Variants in DMD observed in about 807,000 individuals in gnomAD.
DMD encodes the protein mutant dystrophin.
A neutral mutation model predicts 330.1 loss-of-function variants in DMD; 63 were observed. That is an observed-to-expected ratio of 0.19 (90% confidence interval 0.16 to 0.24). The LOEUF (loss-of-function observed/expected upper bound fraction) is 0.24. Ranked by LOEUF, DMD falls within the 10% of genes least tolerant of loss-of-function variation. DMD has a pLI of 1.00. For missense variants in DMD, 3,344 were observed against 2,684.1 expected, an observed-to-expected ratio of 1.25 and a Z score of -5.43; for synonymous variants, 1,223 against 959.8, an observed-to-expected ratio of 1.27 and a Z score of -5.07.
At chrX:32,045,918 G>A (rs2096061391) in intron 44 of DMD, among the ~76,000 whole-genome samples, 1 of 112,279 alleles carries the variant, frequency 8.9e-6, no homozygotes, top group Non-Finnish European at 1.9e-5. Flanking sequence ...TGATCATGTG[G>A]ATAAATTGAC....
chrX:33,167,861 T>C (rs1321628744), intron 1 of DMD, among the ~76,000 whole-genome samples: 1 of 111,263 alleles, frequency 9.0e-6, no homozygotes, highest in Non-Finnish European at 1.9e-5. Flanking sequence ...TGTCTTAAAT[T>C]CCTTTTGTGT....
At position 31,478,231 on chromosome X, in the gene DMD, C is replaced by T; in HGVS notation, c.8812G>A (p.Glu2938Lys). Residue 2938 changes from glutamate (E) to lysine (K), a missense_variant, in exon 59 of 79, where the codon GAA becomes AAA. By Grantham distance (56) the Glu-to-Lys change is moderately conservative (BLOSUM62 1). Transcript: ENST00000357033. ...AGCTCATCCGTGGCCTCTTGAAGTTCCCGGAGTCTTTCAAGGGTCTCATCT... is the reference window on the plus strand; with the variant it reads ...AGCTCATCCGTGGCCTCTTGAAGTTTCCGGAGTCTTTCAAGGGTCTCATCT... Reference protein sequence around the residue: ...KIDETLERLRELQEATDELDL... With the variant: ...KIDETLERLRKLQEATDELDL... 8.3e-7 allele frequency: 1 copy of T among 1,211,147 alleles called. No individual in the cohort carries two copies.
intron 64 of DMD, among the ~76,000 whole-genome samples, chrX:31,214,391 G>T (rs2045105840): frequency 8.9e-6 from 1 of 112,214 alleles, no homozygotes; most frequent in Non-Finnish European, 1.9e-5. Flanking sequence ...CAATGGAATG[G>T]ATTACTCCTT....
Position 32,346,033 on chromosome X carries a change from G to A in DMD, c.5496C>T (p.Asp1832=). The A allele has an allele frequency of 8.3e-7, 1 of 1,208,877 alleles. No homozygotes were observed. Among genetic ancestry groups the A allele is most frequent in the Non-Finnish European group, 1.1e-6 (1 of 893,765 alleles). The part of the protein sequence containing the change: ...GTVKELLQRG[D]NLQQRITDER... The stretch of plus-strand genomic sequence containing the variant: ...CATCTGTGATTCTTTGTTGTAAGTT[G>A]TCTCCTCTTTGCAACAATTCTTTTA... The change falls in exon 39 of 79, where the codon GAC becomes GAT. Residue 1832 remains aspartate, a synonymous_variant. Coordinates refer to ENST00000357033, the MANE Select transcript of DMD (RefSeq NM_004006.3).
chrX:32,199,780 T>TTGTGTGTGTGTGTGTG lies in DMD; in HGVS notation c.6438+17120_6438+17135dup, dbSNP rs35897988. Among the ~76,000 whole-genome samples, 362 of 84,127 alleles carry TTGTGTGTGTGTGTGTG rather than the reference T, an allele frequency of 4.3e-3. 3 individuals carry two copies. The highest frequency in any genetic ancestry group is 5.6e-3 in the Non-Finnish European group (253 of 44,803). The allele number at this position is 84,127 out of a possible 115,157, so 73.1% of individuals were successfully genotyped here. A position where few individuals can be genotyped will look rare whatever the true frequency, so the allele number is the denominator to read the frequency against. On this transcript the variant is annotated intron_variant, in intron 44 of 78. Transcript: ENST00000357033. ...CAGCAAGCGCCACCACGCAAGGCTT[T>TTGTGTGTGTGTGTGTG]TGTGTGTGTGTGTGTGTGTGTGTGT...
chrX:32,591,055 G>A (rs1431951581), intron 13 of DMD, among the ~76,000 whole-genome samples: 1 of 110,530 alleles, frequency 9.0e-6, no homozygotes, highest in Non-Finnish European at 1.9e-5. Context: ...TGATAGTCTT[G>A]CTATGTTGCC....
chrX:32,602,138 C>A (rs1033863046), intron 12 of DMD, among the ~76,000 whole-genome samples: 2 of 111,944 alleles, frequency 1.8e-5, no homozygotes, highest in Middle Eastern at 4.7e-3. Flanking sequence ...AATACCTGAA[C>A]TTCCAATTTA....
rs16989619 is a variant in DMD, at chrX:31,421,710, G to C, written c.9084+22771C>G. Among the ~76,000 whole-genome samples, 520 of 109,446 alleles carry C rather than the reference G, an allele frequency of 4.8e-3. 4 individuals are homozygous for C. The highest frequency in any genetic ancestry group is 0.016 in the African/African-American group (495 of 30,161). ...AGAGAAAAACAAGGTGTAGTGAAGA[G>C]CGTTGAATTGTGTCTGATTTCTGAT... On this transcript the variant is annotated intron_variant, in intron 60 of 78. Transcript: ENST00000357033.
intron 1 of DMD, among the ~76,000 whole-genome samples, chrX:33,273,964 G>A (rs1470614036): frequency 8.9e-6 from 1 of 112,109 alleles, no homozygotes. Context: ...CCAGTGCCAG[G>A]AGATGAATCT....
intron 44 of DMD, among the ~76,000 whole-genome samples, chrX:31,986,636 T>C (rs2095511220): frequency 9.0e-6 from 1 of 111,721 alleles, no homozygotes; most frequent in African/African-American, 3.3e-5. Context: ...GGTGTCGATC[T>C]CTTGACCTCG....
intron 9 of DMD, among the ~76,000 whole-genome samples, chrX:32,663,094 T>C (rs1311429431): frequency 8.9e-6 from 1 of 111,770 alleles, no homozygotes; most frequent in African/African-American, 3.2e-5. Context: ...GAAAACCAAA[T>C]TTGCAAAGGA....
chrX:32,557,012 A>C (rs184262037), intron 16 of DMD, among the ~76,000 whole-genome samples: 93 of 111,804 alleles, frequency 8.3e-4, no homozygotes, highest in Admixed American at 6.9e-3. Context: ...AAGTGTTTTG[A>C]ATTGATTATC....
At position 32,252,703 on chromosome X, in the gene DMD, T is replaced by TAA. The variant is rs1569553609; in HGVS notation, c.6290+34825_6290+34826insTT. Among the ~76,000 whole-genome samples the TAA allele has an allele frequency of 2.1e-3, 86 of 40,311 alleles. 2 individuals carry two copies. The highest frequency in any genetic ancestry group is 4.5e-3 in the African/African-American group (43 of 9,457). 35.0% of individuals were successfully genotyped at this position (40,311 alleles called of 115,157 possible). ...ATATATAAATATATATATAAATATA[T>TAA]ATAAATATATAAATATATATAAATA... On this transcript the variant is annotated intron_variant, in intron 43 of 78. Transcript: ENST00000357033.
chrX:33,052,952 C>A (rs1249177902), intron 1 of DMD, among the ~76,000 whole-genome samples: 1 of 111,256 alleles, frequency 9.0e-6, no homozygotes, highest in Non-Finnish European at 1.9e-5. Context: ...TACTATGTAC[C>A]CACAAAAAAA....
intron 11 of DMD, among the ~76,000 whole-genome samples, chrX:32,641,147 T>C (rs2059419698): frequency 9.0e-6 from 1 of 111,249 alleles, no homozygotes; most frequent in African/African-American, 3.3e-5. Context: ...AAGTCTTACC[T>C]GGATCACAAA....
chrX:33,081,981 A>G (rs1312474277), intron 1 of DMD, among the ~76,000 whole-genome samples: 1 of 109,342 alleles, frequency 9.1e-6, no homozygotes, highest in Non-Finnish European at 1.9e-5. Flanking sequence ...TTTTTCCCTA[A>G]AACGGGTTCT....
At chrX:32,879,889 T>G (rs2083741091) in intron 2 of DMD, among the ~76,000 whole-genome samples, 1 of 111,686 alleles carries the variant, frequency 9.0e-6, no homozygotes. Flanking sequence ...TTGCATGTAT[T>G]CCAATAGTGA....
chrX:31,233,234 T>C (rs1041816502), intron 63 of DMD, among the ~76,000 whole-genome samples: 6 of 111,713 alleles, frequency 5.4e-5, no homozygotes, highest in Non-Finnish European at 9.4e-5. Flanking sequence ...AGTCACAACA[T>C]GGGTAACTCA....
At chrX:32,496,151 A>C (rs1401041539) in intron 19 of DMD, among the ~76,000 whole-genome samples, 2 of 112,195 alleles carry the variant, frequency 1.8e-5, no homozygotes, top group African/African-American at 6.5e-5. Context: ...ACTGCCACTT[A>C]AAGTGAAGTA....
Sources: gnomAD v4.1 joint callset for allele counts (sites outside exome capture counted in the v4.1 genomes callset) on GRCh38, gnomAD v4.1.1 for gene constraint, MANE v1.5 for transcripts, NCBI Gene and HGNC (gene_info 2026-07-23, HGNC 2026-07-21) for gene names.